The following RALYL variants were observed in gnomAD, a reference collection of about 807,000 sequenced individuals.
RALYL encodes RNA-binding Raly-like protein.
In RALYL, 29 loss-of-function variants were observed where a neutral mutation model predicts 35.1. That is an observed-to-expected ratio of 0.83 (90% confidence interval 0.61 to 1.13). RALYL has a LOEUF of 1.13. Among genes scored for constraint, RALYL ranks in the 50% most tolerant of loss-of-function variants. The pLI is 0.00. For synonymous variants in RALYL, 120 were observed against 127.6 expected (o/e 0.94, Z 0.40); for missense variants, 359 against 360.4 (o/e 1.00, Z 0.03).
intron 1 of RALYL, among the ~76,000 whole-genome samples, chr8:84,434,552 C>T (rs949089385): frequency 3.3e-5 from 5 of 152,068 alleles, no homozygotes; most frequent in South Asian, 2.1e-4. Context: ...TTCATTTGTA[C>T]GTGCCAGTTA....
chr8:84,790,140 A>G (rs1375380078), intron 3 of RALYL, among the ~76,000 whole-genome samples: 3 of 152,174 alleles, frequency 2.0e-5, no homozygotes, highest in Non-Finnish European at 4.4e-5. Context: ...TGGTCATACA[A>G]TAAAGTCCAG....
At chr8:84,186,678 C>G (rs1415590988) in intron 1 of RALYL, among the ~76,000 whole-genome samples, 1 of 152,126 alleles carries the variant, frequency 6.6e-6, no homozygotes, top group Non-Finnish European at 1.5e-5. Flanking sequence ...AATGTGAGGA[C>G]AGAGAGGTAG....
At chr8:84,669,261 A>G (rs1832709195) in intron 2 of RALYL, among the ~76,000 whole-genome samples, 2 of 152,150 alleles carry the variant, frequency 1.3e-5, no homozygotes, top group African/African-American at 4.8e-5. Flanking sequence ...TTTTCACTAA[A>G]TGTTGACACT....
At chr8:84,274,159 A>G (rs1398829890) in intron 1 of RALYL, among the ~76,000 whole-genome samples, 1 of 152,204 alleles carries the variant, frequency 6.6e-6, no homozygotes, top group Non-Finnish European at 1.5e-5. Context: ...TTAAAAAACC[A>G]TAGTACTTAA....
intron 2 of RALYL, among the ~76,000 whole-genome samples, chr8:84,555,206 G>A (rs1244355541): frequency 6.6e-6 from 1 of 152,166 alleles, no homozygotes; most frequent in African/African-American, 2.4e-5. Flanking sequence ...TTGAACCCGG[G>A]AGGCAGAGGT....
At chr8:84,743,933 TAGAG>T (rs1216641751) in intron 2 of RALYL, among the ~76,000 whole-genome samples, 1 of 151,950 alleles carries the variant, frequency 6.6e-6, no homozygotes, top group Non-Finnish European at 1.5e-5. Context: ...GGCAGGAGTT[TAGAG>T]AGAGGGAGGA....
At chr8:84,831,519 C>T (rs949386251) in intron 4 of RALYL, among the ~76,000 whole-genome samples, 1 of 152,134 alleles carries the variant, frequency 6.6e-6, no homozygotes, top group African/African-American at 2.4e-5. Flanking sequence ...TAAGGATCAA[C>T]CTGTTTTACA....
intron 1 of RALYL, among the ~76,000 whole-genome samples, chr8:84,243,079 C>T (rs1178037042): frequency 6.6e-6 from 1 of 152,106 alleles, no homozygotes; most frequent in Non-Finnish European, 1.5e-5. Context: ...TCTCCCAGCA[C>T]CATATATTAA....
intron 8 of RALYL, among the ~76,000 whole-genome samples, chr8:84,893,557 C>T (rs1174259017): frequency 6.6e-6 from 1 of 152,266 alleles, no homozygotes; most frequent in Non-Finnish European, 1.5e-5. Flanking sequence ...CTTCTGTGAA[C>T]ACTCTAGGAC....
intron 5 of RALYL, among the ~76,000 whole-genome samples, chr8:84,854,244 G>C (rs900411431): frequency 5.9e-5 from 9 of 152,018 alleles, no homozygotes; most frequent in Admixed American, 1.3e-4. Context: ...TACTCAGGAG[G>C]CTGAGGCAGG....
At chr8:84,853,201 A>G (rs1298511412) in intron 5 of RALYL, among the ~76,000 whole-genome samples, 2 of 152,144 alleles carry the variant, frequency 1.3e-5, no homozygotes, top group African/African-American at 4.8e-5. Context: ...CCTAGCCCTC[A>G]CTCAAGATGG....
intron 1 of RALYL, among the ~76,000 whole-genome samples, chr8:84,421,139 G>A (rs1328729477): frequency 3.9e-5 from 5 of 129,630 alleles, no homozygotes; most frequent in Non-Finnish European, 7.9e-5. Context: ...ACCTTGGGCA[G>A]TATGGCCATT....
chr8:84,805,151 C>T (rs1824291269), intron 4 of RALYL, among the ~76,000 whole-genome samples: 1 of 152,298 alleles, frequency 6.6e-6, no homozygotes. Flanking sequence ...CTACCCATTG[C>T]CATTCTCCAT....
At chr8:84,470,575 C>A (rs770021841) in intron 1 of RALYL, among the ~76,000 whole-genome samples, 5 of 151,910 alleles carry the variant, frequency 3.3e-5, no homozygotes, top group Non-Finnish European at 7.4e-5. Flanking sequence ...TGAAATCTTG[C>A]TGGCAATTTG....
chr8:84,874,800 A>C (rs1840825407), intron 7 of RALYL, among the ~76,000 whole-genome samples: 1 of 152,242 alleles, frequency 6.6e-6, no homozygotes, highest in Non-Finnish European at 1.5e-5. Flanking sequence ...ATGGTGAGTA[A>C]TGAACAAAGT....
intron 1 of RALYL, among the ~76,000 whole-genome samples, chr8:84,231,285 C>T (rs372293977): frequency 2.7e-5 from 4 of 149,004 alleles, no homozygotes; most frequent in South Asian, 2.1e-4. Context: ...AACCATGACA[C>T]GGCATGGGGA....
Position 84,806,302 on chromosome 8 carries a change from T to C in RALYL, c.365+1500T>C, listed in dbSNP as rs1586419967. Reference sequence around the variant, plus strand: ...TCCCTACATTGATCATCAGCTCCTATTGTTAAAAATCTCTACACCTGAAGA... The same window carrying C: ...TCCCTACATTGATCATCAGCTCCTACTGTTAAAAATCTCTACACCTGAAGA... On this transcript the variant is annotated intron_variant, in intron 4 of 8. Coordinates refer to ENST00000521268, the MANE Select transcript of RALYL (RefSeq NM_173848.7). 2.6e-5 allele frequency among the ~76,000 whole-genome samples: 4 copies of C among 152,162 alleles called. No individual in the cohort carries two copies. In the South Asian group the frequency reaches 8.3e-4, roughly 32 times the overall value.
At chr8:84,643,600 G>A (rs1826858155) in intron 2 of RALYL, among the ~76,000 whole-genome samples, 1 of 152,008 alleles carries the variant, frequency 6.6e-6, no homozygotes. Context: ...CTGGCAGGCT[G>A]GAGACTCCGG....
At chr8:84,561,016 T>C (rs2061437993) in intron 2 of RALYL, among the ~76,000 whole-genome samples, 1 of 152,050 alleles carries the variant, frequency 6.6e-6, no homozygotes, top group Admixed American at 6.6e-5. Context: ...TTTGAATGTA[T>C]TTTTCAGAAG....
Sources: gnomAD v4.1 joint callset for allele counts (sites outside exome capture counted in the v4.1 genomes callset) on GRCh38, gnomAD v4.1.1 for gene constraint, MANE v1.5 for transcripts, NCBI Gene and HGNC (gene_info 2026-07-23, HGNC 2026-07-21) for gene names.